Variants in ACSL6 observed in about 807,000 individuals in gnomAD.
The protein encoded by ACSL6 is acyl-CoA synthetase long chain family member 6, also known as long-chain-fatty-acid--CoA ligase 6.
In ACSL6, 47 loss-of-function variants were observed where a neutral mutation model predicts 98.2. The ratio of observed to expected loss-of-function variants is 0.48; its 90% CI spans 0.38 to 0.61. The LOEUF (loss-of-function observed/expected upper bound fraction) is 0.61. ACSL6 is among the 20% of genes least tolerant of loss of function. The pLI, the probability that ACSL6 is intolerant of heterozygous loss-of-function variation, is 0.00. For missense variants in ACSL6, 761 were observed against 913.4 expected, an observed-to-expected ratio of 0.83 and a Z score of 2.15; for synonymous variants, 362 against 336.9, an observed-to-expected ratio of 1.07 and a Z score of -0.82.
At chr5:131,967,526 G>A (rs887815970) in intron 16 of ACSL6, among the ~76,000 whole-genome samples, 2 of 152,030 alleles carry the variant, frequency 1.3e-5, no homozygotes, top group African/African-American at 2.4e-5. Flanking sequence ...TTAGCCAGGT[G>A]TGGTGGCGGG....
chr5:131,998,017 G>A (rs1304437899), intron 1 of ACSL6, among the ~76,000 whole-genome samples: 4 of 152,182 alleles, frequency 2.6e-5, no homozygotes, highest in African/African-American at 9.7e-5. Flanking sequence ...CCTAGGCCTT[G>A]GAGTCTGGTC....
intron 1 of ACSL6, among the ~76,000 whole-genome samples, chr5:132,007,738 C>T (rs1007133451): frequency 6.6e-6 from 1 of 152,186 alleles, no homozygotes; most frequent in Non-Finnish European, 1.5e-5. Context: ...ATAAAAACAC[C>T]CCTCCACACA....
At chr5:131,985,369 A>G (rs1754119272) in intron 9 of ACSL6, 38 bp downstream of exon 9, 1 of 1,612,804 alleles carries the variant, frequency 6.2e-7, no homozygotes, top group African/African-American at 1.3e-5. Flanking sequence ...GGAAGGGTGC[A>G]GGTAGCCATG....
chr5:131,960,406 T>A, intron 19 of ACSL6, 114 bp downstream of exon 19: 1 of 724,384 alleles, frequency 1.4e-6, no homozygotes, highest in Non-Finnish European at 2.2e-6. Context: ...TAAAGTAATG[T>A]TAGAAATTTC....
At position 131,973,182 on chromosome 5, in the gene ACSL6, A is replaced by C. The variant is rs945426589; in HGVS notation, c.1203+84T>G. The C allele has an allele frequency of 3.3e-6, 5 of 1,531,482 alleles. No homozygotes were observed. In the African/African-American group the frequency reaches 6.9e-5, roughly 21 times the overall value. 94.9% of individuals were successfully genotyped at this position (1,531,482 alleles called of 1,614,324 possible). On this transcript the variant is annotated intron_variant, in intron 12 of 20. Coordinates refer to ENST00000651883, the MANE Select transcript of ACSL6 (RefSeq NM_001009185.3). The stretch of plus-strand genomic sequence containing the variant: ...CAGGACTTGGCAGTGGAGGCACTGA[A>C]AGCCTGCCTGGGGCTCCAGACCCTG...
chr5:131,998,490 C>A (rs1754903321), intron 1 of ACSL6, among the ~76,000 whole-genome samples: 1 of 152,198 alleles, frequency 6.6e-6, no homozygotes, highest in African/African-American at 2.4e-5. Context: ...AAGAAAGGGG[C>A]CCTGGTGGGA....
Position 132,011,642 on chromosome 5 carries a change from G to A in ACSL6, c.-89C>T, listed in dbSNP as rs965779036. 3 of 1,261,288 alleles carry A rather than the reference G, an allele frequency of 2.4e-6. No individual in the cohort carries two copies. The highest frequency in any genetic ancestry group is 2.0e-6 in the Non-Finnish European group (2 of 1,001,088). The allele number at this position is 1,261,288 out of a possible 1,614,324, so 78.1% of individuals were successfully genotyped here. The stretch of plus-strand genomic sequence containing the variant: ...CAGCCCAGCAGCCCCAGCAGTAGCC[G>A]CGCCGCCGCCGCCGCTGCCGGGTAT... On this transcript the variant is annotated 5_prime_UTR_variant, in exon 1 of 21. Coordinates refer to ENST00000651883, the MANE Select transcript of ACSL6 (RefSeq NM_001009185.3). This position sits in a 1 kb window ranked among gnomAD's most constrained non-coding sequence, Gnocchi z 5.4.
At chr5:131,991,936 C>T (rs1325537809) in intron 2 of ACSL6, among the ~76,000 whole-genome samples, 2 of 152,216 alleles carry the variant, frequency 1.3e-5, no homozygotes, top group Non-Finnish European at 2.9e-5. Flanking sequence ...ACCAAGCCCA[C>T]CTAAGACCTG....
Position 132,011,595 on chromosome 5 carries a change from G to A in ACSL6, c.-42C>T, listed in dbSNP as rs750073515. 22 of 1,463,044 alleles carry A rather than the reference G, an allele frequency of 1.5e-5. No homozygotes were observed. In the East Asian group the frequency reaches 3.8e-4, roughly 25 times the overall value. The allele number at this position is 1,463,044 out of a possible 1,614,324, so 90.6% of individuals were successfully genotyped here. ...CGGCCCGGCCCGGCCCGGCCTCCCC[G>A]ACCCGCAGCCCCGCAGCCCCGCAGC... On this transcript the variant is annotated 5_prime_UTR_variant, in exon 1 of 21. Transcript: ENST00000651883. The surrounding 1 kb of genome is among the most constrained non-coding windows in gnomAD (Gnocchi z 5.4).
At chr5:131,961,974 G>A (rs765486000) in intron 18 of ACSL6, among the ~76,000 whole-genome samples, 155 of 151,872 alleles carry the variant, frequency 1.0e-3, no homozygotes, top group Non-Finnish European at 1.5e-3. Flanking sequence ...TCAGGAGTTC[G>A]AGACTAGCCT....
In ACSL6 at chr5:131,968,156, T is replaced by A. The variant is rs114713779; in HGVS notation, c.1508-128A>T. On this transcript the variant is annotated intron_variant, in intron 15 of 20. Transcript: ENST00000651883. ...TTATGGATGGAAAGTAACACATCTT[T>A]AAAGGGGCATTTGTTACTGCAAGTG... 1.6e-3 allele frequency: 1,129 copies of A among 703,340 alleles called. 5 individuals carry two copies. In the African/African-American group the frequency reaches 0.018, roughly 11 times the overall value. The allele number at this position is 703,340 out of a possible 1,614,324, so 43.6% of individuals were successfully genotyped here. A position where few individuals can be genotyped will look rare whatever the true frequency, so the allele number is the denominator to read the frequency against.
Position 131,971,582 on chromosome 5 carries a change from G to C in ACSL6, c.1402C>G (p.Leu468Val). ...TGAAPASPTV[L>V]GFLRAALGCQ... ...CCTAGAGCTGCCCGGAGAAATCCCA[G>C]AACTGTTGGTGATGCTGGGGCTGCT... The change falls in exon 14 of 21, where the codon CTG (leucine) becomes GTG (valine). Residue 468 changes from leucine to valine, a missense_variant. Physicochemically the swap from Leu to Val is conservative, Grantham distance 32. Transcript: ENST00000651883. 1 of 1,611,918 alleles carries C rather than the reference G, an allele frequency of 6.2e-7. No homozygotes were observed. The highest frequency in any genetic ancestry group is 1.1e-5 in the South Asian group (1 of 90,424).
intron 15 of ACSL6, among the ~76,000 whole-genome samples, chr5:131,969,691 G>T (rs40819): frequency 0.37 from 55,621 of 151,976 alleles, 12,235 homozygotes; most frequent in African/African-American, 0.62. Flanking sequence ...AGGTTCATAG[G>T]GGCCAGGGTA....
At chr5:131,970,725 A>G (rs1390359967) in intron 14 of ACSL6, among the ~76,000 whole-genome samples, 8 of 152,150 alleles carry the variant, frequency 5.3e-5, no homozygotes, top group Non-Finnish European at 2.9e-5. Context: ...CACTTAGTAG[A>G]TAAGGTTATA....
At chr5:131,963,739 C>A (rs1423919353) in intron 17 of ACSL6, among the ~76,000 whole-genome samples, 1 of 152,166 alleles carries the variant, frequency 6.6e-6, no homozygotes, top group African/African-American at 2.4e-5. Context: ...TCTGTCTCCA[C>A]TCCATCTGCT....
chr5:132,011,536 G>A lies in ACSL6; in HGVS notation c.18C>T (p.Leu6=), dbSNP rs768870249. The A allele has an allele frequency of 4.4e-6, 7 of 1,603,238 alleles. No homozygotes were observed. The African/African-American group carries it at 5.4e-5, about 12-fold the overall frequency. Reference sequence around the variant, plus strand: ...ATAGCCAGAGGGAGCCCCCCGACACGAGGAAGAAGGTCAGCATGGCGGTCA... The same window carrying A: ...ATAGCCAGAGGGAGCCCCCCGACACAAGGAAGAAGGTCAGCATGGCGGTCA... The part of the protein sequence containing the change: MLTFF[L]VSGGSLWLFV... The change falls in exon 1 of 21, where the codon CTC becomes CTT. Residue 6 remains leucine, a synonymous_variant. Transcript: ENST00000651883. This position sits in a 1 kb window ranked among gnomAD's most constrained non-coding sequence, Gnocchi z 5.4.
intron 20 of ACSL6, among the ~76,000 whole-genome samples, chr5:131,956,502 G>A (rs893686578): frequency 6.6e-6 from 1 of 152,198 alleles, no homozygotes; most frequent in African/African-American, 2.4e-5. Flanking sequence ...TGAGCAGGTC[G>A]GAGCGGCACT....
chr5:131,958,476 T>C (rs1752535054), intron 20 of ACSL6, among the ~76,000 whole-genome samples: 2 of 152,230 alleles, frequency 1.3e-5, no homozygotes, highest in African/African-American at 2.4e-5. Flanking sequence ...TCAGATTCCA[T>C]ACTTTTAAAA....
At chr5:132,010,788 A>T (rs1755674354) in intron 1 of ACSL6, among the ~76,000 whole-genome samples, 1 of 152,152 alleles carries the variant, frequency 6.6e-6, no homozygotes, top group South Asian at 2.1e-4. Flanking sequence ...ACTGGCAGAT[A>T]AAAGGGCCTG....
Sources: allele counts gnomAD v4.1 joint callset (sites outside exome capture counted in the v4.1 genomes callset), GRCh38; gene constraint gnomAD v4.1.1; non-coding constraint Gnocchi (gnomAD v3.1); transcripts MANE v1.5; gene names NCBI Gene and HGNC (gene_info 2026-07-23, HGNC 2026-07-21).